DMD: variants seen among roughly 807,000 people sequenced by gnomAD.
The protein encoded by DMD is mutant dystrophin.
A neutral mutation model predicts 330.1 loss-of-function variants in DMD; 63 were observed. The ratio of observed to expected loss-of-function variants is 0.19; its 90% confidence interval spans 0.16 to 0.24. DMD has a LOEUF of 0.24. Ranked by LOEUF, DMD falls within the 10% of genes least tolerant of loss-of-function variation. The pLI, the probability that DMD is intolerant of heterozygous loss-of-function variation, is 1.00. For synonymous variants in DMD, 1,223 were observed against 959.8 expected, an observed-to-expected ratio of 1.27 and a Z score of -5.07; for missense variants, 3,344 against 2,684.1, an observed-to-expected ratio of 1.25 and a Z score of -5.43.
intron 61 of DMD, among the ~76,000 whole-genome samples, chrX:31,329,805 T>C (rs1231813870): frequency 9.3e-6 from 1 of 107,805 alleles, no homozygotes; most frequent in Non-Finnish European, 1.9e-5. Context: ...ACCCCATCTC[T>C]ACTAAAAATA....
intron 4 of DMD, among the ~76,000 whole-genome samples, chrX:32,827,970 C>T (rs1397948429): frequency 2.7e-5 from 3 of 111,485 alleles, no homozygotes; most frequent in Non-Finnish European, 3.8e-5. Flanking sequence ...CTAACTCCCA[C>T]TTATAAGTGA....
At chrX:31,305,427 C>T (rs2054956619) in intron 62 of DMD, among the ~76,000 whole-genome samples, 1 of 111,816 alleles carries the variant, frequency 8.9e-6, no homozygotes, top group East Asian at 2.8e-4. Flanking sequence ...GAGGAGACAC[C>T]TGGATTGCCC....
intron 44 of DMD, among the ~76,000 whole-genome samples, chrX:32,080,984 G>A (rs1284663331): frequency 8.9e-6 from 1 of 111,939 alleles, no homozygotes; most frequent in Non-Finnish European, 1.9e-5. Context: ...CATACACAAA[G>A]TTCAACTGCA....
At chrX:32,805,056 T>G (rs901779441) in intron 7 of DMD, among the ~76,000 whole-genome samples, 2 of 111,512 alleles carry the variant, frequency 1.8e-5, no homozygotes, top group African/African-American at 6.5e-5. Flanking sequence ...ACACCTCTTC[T>G]CCTCCAAAGG....
chrX:31,378,628 G>A (rs1404930327), intron 60 of DMD, among the ~76,000 whole-genome samples: 2 of 109,405 alleles, frequency 1.8e-5, no homozygotes, highest in Non-Finnish European at 3.8e-5. Flanking sequence ...GGCAAGTACC[G>A]CTTTTCTCGG....
intron 76 of DMD, among the ~76,000 whole-genome samples, chrX:31,139,496 C>G: frequency 9.1e-6 from 1 of 110,423 alleles, no homozygotes; most frequent in East Asian, 2.8e-4. Flanking sequence ...CACACACACA[C>G]ACACACACAC....
At chrX:31,249,412 A>T (rs1230764487) in intron 63 of DMD, among the ~76,000 whole-genome samples, 1 of 110,367 alleles carries the variant, frequency 9.1e-6, no homozygotes, top group African/African-American at 3.3e-5. Context: ...TGGCTTTTTT[A>T]AATTTTTATT....
intron 53 of DMD, among the ~76,000 whole-genome samples, chrX:31,675,800 T>C (rs189610996): frequency 1.8e-5 from 2 of 112,458 alleles, no homozygotes; most frequent in Non-Finnish European, 3.8e-5. Flanking sequence ...TTGATAAATA[T>C]TTATGCAATA....
At chrX:32,776,367 A>G (rs750178702) in intron 7 of DMD, among the ~76,000 whole-genome samples, 1 of 108,398 alleles carries the variant, frequency 9.2e-6, no homozygotes, top group East Asian at 3.0e-4. Context: ...GCAATGCCCC[A>G]CTATCTGGGC....
intron 45 of DMD, among the ~76,000 whole-genome samples, chrX:31,961,355 TA>T (rs1805403599): frequency 8.9e-6 from 1 of 111,976 alleles, no homozygotes; most frequent in African/African-American, 3.2e-5. Context: ...TGTAAAGATT[TA>T]AATCTTCAGT....
chrX:33,019,918 CAA>C (rs2093881546), intron 2 of DMD, among the ~76,000 whole-genome samples: 1 of 111,399 alleles, frequency 9.0e-6, no homozygotes, highest in African/African-American at 3.3e-5. Context: ...CAAGAAGAAT[CAA>C]AGATATACAT....
intron 60 of DMD, among the ~76,000 whole-genome samples, chrX:31,443,530 G>T (rs1176494330): frequency 9.2e-6 from 1 of 109,052 alleles, no homozygotes. Flanking sequence ...ATATTGCAGA[G>T]AATTTTATTA....
At chrX:33,187,897 A>C (rs1014173919) in intron 1 of DMD, among the ~76,000 whole-genome samples, 3 of 111,649 alleles carry the variant, frequency 2.7e-5, no homozygotes, top group African/African-American at 9.8e-5. Flanking sequence ...AAGTTGCAAT[A>C]ATTAAATTTA....
At chrX:32,561,561 C>T (rs768461890) in intron 16 of DMD, among the ~76,000 whole-genome samples, 43 of 111,353 alleles carry the variant, frequency 3.9e-4, no homozygotes, top group South Asian at 1.9e-3. Context: ...ACGGGGAGAA[C>T]GGAACCAAGT....
At chrX:32,662,184 G>A (rs1307752314) in intron 9 of DMD, among the ~76,000 whole-genome samples, 2 of 111,108 alleles carry the variant, frequency 1.8e-5, no homozygotes, top group East Asian at 5.6e-4. Context: ...TATTCTATTT[G>A]GAAGTTTTTA....
rs768709921 is a variant in DMD, at chrX:32,882,346, T to C, written c.94-32526A>G. ...CCTCTTCTCTTTGTCAATTTTTCAA[T>C]ACCTAGATCCCAATTCCTCTTGTTA... On this transcript the variant is annotated intron_variant, in intron 2 of 78. Coordinates refer to ENST00000357033, the MANE Select transcript of DMD (RefSeq NM_004006.3). Among the ~76,000 whole-genome samples, 47 of 112,179 alleles carry C rather than the reference T, an allele frequency of 4.2e-4. 1 individual carries two copies. The South Asian group carries it at 0.012, about 29-fold the overall frequency.
intron 63 of DMD, among the ~76,000 whole-genome samples, chrX:31,246,932 A>G (rs756087811): frequency 5.2e-5 from 5 of 95,718 alleles, no homozygotes; most frequent in Non-Finnish European, 8.0e-5. Flanking sequence ...TCTTGGAAGG[A>G]AAAAAAAAAA....
chrX:31,822,048 CCAGACTT>C (rs2092773437), intron 49 of DMD, among the ~76,000 whole-genome samples: 1 of 112,197 alleles, frequency 8.9e-6, no homozygotes, highest in Admixed American at 9.5e-5. Flanking sequence ...CTACTCTGTG[CCAGACTT>C]TGTGCCAGTT....
intron 6 of DMD, among the ~76,000 whole-genome samples, chrX:32,815,284 A>G (rs1489093291): frequency 9.5e-6 from 1 of 105,203 alleles, no homozygotes; most frequent in African/African-American, 3.6e-5. Context: ...CAGGATTGGC[A>G]TAGGAAAATG....
Sources: allele counts gnomAD v4.1 joint callset (sites outside exome capture counted in the v4.1 genomes callset), GRCh38; gene constraint gnomAD v4.1.1; transcripts MANE v1.5; gene names NCBI Gene and HGNC (gene_info 2026-07-23, HGNC 2026-07-21).